DCC: variants seen among roughly 807,000 people sequenced by gnomAD.
The protein encoded by DCC is DCC netrin 1 receptor, also known as netrin receptor DCC.
DCC carries 58 observed loss-of-function variants against 172.5 expected under a neutral mutation model. The ratio of observed to expected loss-of-function variants is 0.34; its 90% CI spans 0.27 to 0.42. The LOEUF is 0.42. Among genes scored for constraint, DCC ranks in the 10% least tolerant of loss-of-function variants. DCC has a pLI of 1.00. For missense variants in DCC, 1,740 were observed against 1,791.0 expected, an observed-to-expected ratio of 0.97 and a Z score of 0.51; for synonymous variants, 709 against 644.5, an observed-to-expected ratio of 1.10 and a Z score of -1.52.
intron 15 of DCC, among the ~76,000 whole-genome samples, chr18:53,345,000 G>C (rs1264966871): frequency 1.3e-5 from 2 of 151,462 alleles, no homozygotes; most frequent in African/African-American, 4.8e-5. Flanking sequence ...CCATATAATA[G>C]TCTCTGTCAC....
chr18:53,439,836 C>G (rs1177657320), intron 22 of DCC, among the ~76,000 whole-genome samples: 1 of 141,098 alleles, frequency 7.1e-6, no homozygotes, highest in Admixed American at 7.5e-5. Flanking sequence ...GGGATCTCGG[C>G]TCACTGCAAG....
intron 1 of DCC, among the ~76,000 whole-genome samples, chr18:52,396,948 C>A (rs139626176): frequency 1.3e-5 from 2 of 152,104 alleles, no homozygotes; most frequent in African/African-American, 4.8e-5. Context: ...CAATACCAAG[C>A]ATATAGTGGG....
intron 1 of DCC, among the ~76,000 whole-genome samples, chr18:52,373,318 C>G (rs1318593229): frequency 1.3e-5 from 2 of 152,096 alleles, no homozygotes; most frequent in East Asian, 3.9e-4. Context: ...GTGATGCAAG[C>G]CTCAAGGTCT....
At chr18:53,219,717 G>C (rs190122163) in intron 12 of DCC, among the ~76,000 whole-genome samples, 1 of 152,038 alleles carries the variant, frequency 6.6e-6, no homozygotes, top group Admixed American at 6.6e-5. Context: ...GCCTTCCTAC[G>C]TCTTAAAGTG....
chr18:53,035,793 A>C (rs1462728847), intron 5 of DCC, among the ~76,000 whole-genome samples: 2 of 152,040 alleles, frequency 1.3e-5, no homozygotes, highest in African/African-American at 4.8e-5. Context: ...GTTTAAATAA[A>C]CCAGTCATTG....
chr18:52,711,703 T>C (rs772022780), intron 1 of DCC, among the ~76,000 whole-genome samples: 16 of 152,134 alleles, frequency 1.1e-4, no homozygotes, highest in Non-Finnish European at 1.8e-4. Flanking sequence ...ACTACCCCAC[T>C]ACATTCTCAC....
intron 1 of DCC, among the ~76,000 whole-genome samples, chr18:52,690,748 A>G (rs979120493): frequency 6.6e-6 from 1 of 152,148 alleles, no homozygotes; most frequent in African/African-American, 2.4e-5. Context: ...AATGTATAAA[A>G]TGAAATGACC....
intron 5 of DCC, among the ~76,000 whole-genome samples, chr18:53,015,989 A>G (rs1451137400): frequency 6.6e-6 from 1 of 152,194 alleles, no homozygotes; most frequent in Non-Finnish European, 1.5e-5. Context: ...AAGAATCCAC[A>G]TAATCCAAGT....
At chr18:53,309,691 TCCAGCCA>T (rs1407216249) in intron 13 of DCC, among the ~76,000 whole-genome samples, 2 of 151,998 alleles carry the variant, frequency 1.3e-5, no homozygotes, top group Non-Finnish European at 2.9e-5. Flanking sequence ...TTATTATCAT[TCCAGCCA>T]AAAGCAAAGT....
intron 14 of DCC, among the ~76,000 whole-genome samples, chr18:53,324,472 A>G (rs963754448): frequency 1.3e-5 from 2 of 149,178 alleles, no homozygotes; most frequent in African/African-American, 5.0e-5. Context: ...GAAGCATGGT[A>G]GAGGGGATAG....
chr18:52,821,892 C>T (rs903526294), intron 2 of DCC, among the ~76,000 whole-genome samples: 1 of 152,128 alleles, frequency 6.6e-6, no homozygotes, highest in African/African-American at 2.4e-5. Context: ...TTTAAACAGT[C>T]ATGTATTTGA....
At chr18:53,395,021 G>A (rs1425137092) in intron 17 of DCC, among the ~76,000 whole-genome samples, 1 of 151,454 alleles carries the variant, frequency 6.6e-6, no homozygotes, top group Non-Finnish European at 1.5e-5. Flanking sequence ...GGGGGGCGGG[G>A]CGCCTGTAAT....
intron 7 of DCC, among the ~76,000 whole-genome samples, chr18:53,078,348 A>G (rs949301797): frequency 6.6e-6 from 1 of 152,202 alleles, no homozygotes; most frequent in African/African-American, 2.4e-5. Context: ...TTTTTAACAA[A>G]GAATCACAAA....
chr18:53,344,662 G>C (rs1376235837), intron 15 of DCC, among the ~76,000 whole-genome samples: 2 of 151,442 alleles, frequency 1.3e-5, no homozygotes, highest in Non-Finnish European at 2.9e-5. Flanking sequence ...TGCTGGTCTT[G>C]AACTCCTGAT....
At chr18:53,066,802 G>A (rs1406079504) in intron 7 of DCC, among the ~76,000 whole-genome samples, 1 of 152,084 alleles carries the variant, frequency 6.6e-6, no homozygotes, top group Non-Finnish European at 1.5e-5. Context: ...ATTGGCTCAT[G>A]GTTCCACAGG....
Position 53,497,542 on chromosome 18 carries a change from C to T in DCC, c.3899-1756C>T, listed in dbSNP as rs113699980. 5.5e-3 allele frequency among the ~76,000 whole-genome samples: 843 copies of T among 152,304 alleles called. 3 individuals are homozygous for T. The highest frequency in any genetic ancestry group is 0.027 in the Middle Eastern group (8 of 294). ...TGGGTCTTGGCTAAAAATTGACCAT[C>T]GGTCATAGTCTCCTTTAGATTAAAT... On this transcript the variant is annotated intron_variant, in intron 26 of 28. Coordinates refer to ENST00000442544, the MANE Select transcript of DCC (RefSeq NM_005215.4).
intron 5 of DCC, among the ~76,000 whole-genome samples, chr18:53,040,176 GATAAA>G (rs1177309279): frequency 3.3e-5 from 5 of 152,082 alleles, no homozygotes; most frequent in Non-Finnish European, 7.4e-5. Context: ...AAATTCTTCT[GATAAA>G]ATAAAAATAG....
At position 52,842,406 on chromosome 18, in the gene DCC, G is replaced by A. The variant is rs144291867; in HGVS notation, c.413-63638G>A. Among the ~76,000 whole-genome samples, 465 of 152,276 alleles carry A rather than the reference G, an allele frequency of 3.1e-3. 6 individuals are homozygous for A. The highest frequency in any genetic ancestry group is 0.01 in the African/African-American group (436 of 41,548). On this transcript the variant is annotated intron_variant, in intron 2 of 28. Transcript: ENST00000442544. ...GAGAATCAGGAACATTGAGGTAGGAGATTGATGTACCAACTTGTCAGTCAG... is the reference window on the plus strand; with the variant it reads ...GAGAATCAGGAACATTGAGGTAGGAAATTGATGTACCAACTTGTCAGTCAG...
At chr18:52,569,044 G>A (rs2033231756) in intron 1 of DCC, among the ~76,000 whole-genome samples, 1 of 152,130 alleles carries the variant, frequency 6.6e-6, no homozygotes, top group African/African-American at 2.4e-5. Context: ...TAATGGAGTT[G>A]TTATATTTTG....
Sources: allele counts gnomAD v4.1 joint callset (sites outside exome capture counted in the v4.1 genomes callset), GRCh38; gene constraint gnomAD v4.1.1; transcripts MANE v1.5; gene names NCBI Gene and HGNC (gene_info 2026-07-23, HGNC 2026-07-21).